Variants in TAFA4 observed in about 807,000 individuals in gnomAD.
TAFA4 encodes the protein chemokine-like protein TAFA-4.
A neutral mutation model predicts 21.1 loss-of-function variants in TAFA4; 20 were observed. The observed-to-expected ratio is 0.95, with a 90% CI of 0.67 to 1.38. The LOEUF (loss-of-function observed/expected upper bound fraction) is 1.38. Ranked by LOEUF, TAFA4 falls within the 40% of genes most tolerant of loss-of-function variation. The pLI is 0.00. For synonymous variants in TAFA4, 71 were observed against 67.4 expected (o/e 1.05, Z -0.26); for missense variants, 211 against 180.9 (o/e 1.17, Z -0.95).
chr3:68,918,606 C>T (rs952675781), intron 1 of TAFA4, among the ~76,000 whole-genome samples: 5 of 152,214 alleles, frequency 3.3e-5, no homozygotes, highest in Admixed American at 2.6e-4. Flanking sequence ...GGTGCAATCA[C>T]GGGTCACTGC....
intron 3 of TAFA4, among the ~76,000 whole-genome samples, chr3:68,850,815 T>C (rs780850930): frequency 2.0e-4 from 31 of 152,150 alleles, no homozygotes; most frequent in Non-Finnish European, 4.4e-4. Flanking sequence ...GCAAAAATTT[T>C]CTCTCACTCT....
chr3:68,752,247 G>A (rs1253248427), intron 4 of TAFA4, among the ~76,000 whole-genome samples: 2 of 152,108 alleles, frequency 1.3e-5, no homozygotes, highest in Non-Finnish European at 2.9e-5. Context: ...TTTCTAACAC[G>A]GCGTCTGCTG....
intron 3 of TAFA4, among the ~76,000 whole-genome samples, chr3:68,868,785 A>G (rs1214210680): frequency 6.6e-6 from 1 of 152,010 alleles, no homozygotes; most frequent in Non-Finnish European, 1.5e-5. Flanking sequence ...GCCTACTTCA[A>G]AAGAGTAGAA....
At chr3:68,743,350 C>A (rs1702393932) in intron 4 of TAFA4, among the ~76,000 whole-genome samples, 1 of 152,030 alleles carries the variant, frequency 6.6e-6, no homozygotes, top group Admixed American at 6.5e-5. Flanking sequence ...CCTAGGTGGG[C>A]AGATCACTTG....
At chr3:68,908,048 G>C (rs2089921214) in intron 1 of TAFA4, among the ~76,000 whole-genome samples, 1 of 152,136 alleles carries the variant, frequency 6.6e-6, no homozygotes, top group African/African-American at 2.4e-5. Flanking sequence ...GATTACTATG[G>C]TTATAAAATC....
At chr3:68,858,610 G>GTA (rs1312654303) in intron 3 of TAFA4, among the ~76,000 whole-genome samples, 2 of 150,462 alleles carry the variant, frequency 1.3e-5, no homozygotes, top group East Asian at 3.9e-4. Context: ...GTGTGTGTGT[G>GTA]TCTTTAAGGC....
chr3:68,733,814 T>A (rs948335940), intron 5 of TAFA4, among the ~76,000 whole-genome samples: 15 of 152,182 alleles, frequency 9.9e-5, no homozygotes, highest in African/African-American at 3.4e-4. Flanking sequence ...TTTGATAGTA[T>A]AGTCACCATA....
intron 3 of TAFA4, among the ~76,000 whole-genome samples, chr3:68,799,533 G>A (rs770387127): frequency 6.6e-6 from 1 of 152,160 alleles, no homozygotes; most frequent in Non-Finnish European, 1.5e-5. Flanking sequence ...AAGAGGCTTT[G>A]CAGTTGTGAT....
At position 68,873,376 on chromosome 3, in the gene TAFA4, A is replaced by T. The variant is rs908704892; in HGVS notation, c.130+7354T>A. Among the ~76,000 whole-genome samples the T allele has an allele frequency of 2.2e-5, 3 of 138,456 alleles. 1 individual carries two copies. The highest frequency in any genetic ancestry group is 4.7e-5 in the Non-Finnish European group (3 of 63,630). 90.8% of individuals were successfully genotyped at this position (138,456 alleles called of 152,430 possible). A position where few individuals can be genotyped will look rare whatever the true frequency, so the allele number is the denominator to read the frequency against. ...CACACACACACACACACACACACAC[A>T]CCCTGGGCCAGAAAAATGCTGACCT... On this transcript the variant is annotated intron_variant, in intron 3 of 5. Transcript: ENST00000295569.
At chr3:68,864,384 T>C (rs947991911) in intron 3 of TAFA4, among the ~76,000 whole-genome samples, 1 of 152,068 alleles carries the variant, frequency 6.6e-6, no homozygotes, top group African/African-American at 2.4e-5. Flanking sequence ...GCAAATTAAA[T>C]CTGCAATATG....
At chr3:68,880,949 A>G (rs1301174461) in intron 2 of TAFA4, 104 bp from the exon 3 acceptor site, 1 of 783,886 alleles carries the variant, frequency 1.3e-6, no homozygotes, top group Non-Finnish European at 2.1e-6. Context: ...AGATCCCTGG[A>G]GCTGGAATTC....
chr3:68,926,930 AAAT>A (rs985496864), intron 1 of TAFA4, among the ~76,000 whole-genome samples: 1 of 152,068 alleles, frequency 6.6e-6, no homozygotes, highest in Non-Finnish European at 1.5e-5. Context: ...AATAAATAAA[AAAT>A]AATAATTCTT....
At chr3:68,767,451 A>G (rs1460555458) in intron 3 of TAFA4, among the ~76,000 whole-genome samples, 1 of 152,198 alleles carries the variant, frequency 6.6e-6, no homozygotes, top group Non-Finnish European at 1.5e-5. Context: ...ATGCAAATAA[A>G]GCAGTTAGAA....
At chr3:68,926,220 G>A (rs867522860) in intron 1 of TAFA4, among the ~76,000 whole-genome samples, 3 of 143,538 alleles carry the variant, frequency 2.1e-5, no homozygotes, top group Non-Finnish European at 4.5e-5. Flanking sequence ...CAGAGACTCT[G>A]TCTCCAAAAA....
At chr3:68,892,574 T>A (rs1453933830) in intron 1 of TAFA4, among the ~76,000 whole-genome samples, 1 of 152,160 alleles carries the variant, frequency 6.6e-6, no homozygotes, top group Non-Finnish European at 1.5e-5. Context: ...CCCATAAATA[T>A]GTACAAAGAA....
chr3:68,813,056 A>T (rs1176118737), intron 3 of TAFA4, among the ~76,000 whole-genome samples: 1 of 152,172 alleles, frequency 6.6e-6, no homozygotes, highest in Non-Finnish European at 1.5e-5. Context: ...GAAACTGAAC[A>T]ACCTGCTCCT....
intron 4 of TAFA4, among the ~76,000 whole-genome samples, chr3:68,745,840 G>C (rs916586067): frequency 6.6e-6 from 1 of 152,168 alleles, no homozygotes; most frequent in Non-Finnish European, 1.5e-5. Flanking sequence ...TAGTTTAGCT[G>C]TATTTACATG....
intron 3 of TAFA4, among the ~76,000 whole-genome samples, chr3:68,769,506 C>A (rs1702914292): frequency 6.6e-6 from 1 of 152,136 alleles, no homozygotes; most frequent in Admixed American, 6.5e-5. Flanking sequence ...TGTTCTACTG[C>A]ACAGTAGGGT....
At chr3:68,765,673 C>A (rs1178851549) in intron 3 of TAFA4, among the ~76,000 whole-genome samples, 1 of 152,094 alleles carries the variant, frequency 6.6e-6, no homozygotes, top group Admixed American at 6.5e-5. Context: ...TTTCCTAAGA[C>A]CCCACTAAAA....
Sources: gnomAD v4.1 joint callset for allele counts (sites outside exome capture counted in the v4.1 genomes callset) on GRCh38, gnomAD v4.1.1 for gene constraint, MANE v1.5 for transcripts, NCBI Gene and HGNC (gene_info 2026-07-23, HGNC 2026-07-21) for gene names.